MORN4: variants seen among roughly 807,000 people sequenced by gnomAD.
MORN4 encodes the protein MORN repeat containing 4.
In MORN4, 8 loss-of-function variants were observed where a neutral mutation model predicts 16.4. The observed-to-expected ratio is 0.49, with a 90% confidence interval of 0.29 to 0.88. MORN4 has a LOEUF of 0.88. Ranked by LOEUF, MORN4 falls within the 40% of genes least tolerant of loss-of-function variation. The pLI is 0.09. For missense variants in MORN4, 159 were observed against 182.9 expected (o/e 0.87, Z 0.75); for synonymous variants, 53 against 68.9 (o/e 0.77, Z 1.14).
intron 1 of MORN4, among the ~76,000 whole-genome samples, chr10:97,631,947 AG>A (rs541962890): frequency 0.021 from 2,245 of 106,572 alleles, 22 homozygotes; most frequent in Non-Finnish European, 0.035. Flanking sequence ...CTCAAAAAAA[AG>A]AAAAGAAAAG....
At chr10:97,626,008 C>T (rs543306135) in intron 1 of MORN4, among the ~76,000 whole-genome samples, 35 of 151,810 alleles carry the variant, frequency 2.3e-4, no homozygotes, top group Non-Finnish European at 4.7e-4. Flanking sequence ...CAATCTCTGG[C>T]CTTGGCCTCC....
At chr10:97,626,251 C>A (rs2041345496) in intron 1 of MORN4, among the ~76,000 whole-genome samples, 1 of 151,670 alleles carries the variant, frequency 6.6e-6, no homozygotes, top group South Asian at 2.1e-4. Context: ...GTGGCACATG[C>A]CTGTAGTCCC....
rs145519669 is a variant in MORN4, at chr10:97,616,658, C to G, written c.292+20G>C. The stretch of plus-strand genomic sequence containing the variant: ...TATTATGCCCACCTAAGTCAGCCAT[C>G]CTGCTGGGCTGCAACTTACCAAAAC... On this transcript the variant is annotated intron_variant, in intron 4 of 4. Coordinates refer to ENST00000307450, the MANE Select transcript of MORN4 (RefSeq NM_178832.4). 6.3e-7 allele frequency: 1 copy of G among 1,581,296 alleles called. No homozygotes were observed. Among genetic ancestry groups the G allele is most frequent in the East Asian group, 2.2e-5 (1 of 44,716 alleles).
chr10:97,631,278 T>C (rs977350490), intron 1 of MORN4, among the ~76,000 whole-genome samples: 1 of 152,166 alleles, frequency 6.6e-6, no homozygotes, highest in Non-Finnish European at 1.5e-5. Flanking sequence ...CAAACCAAGA[T>C]GATTCACACT....
At chr10:97,619,537 T>A (rs1391227199) in intron 2 of MORN4, 50 bp downstream of exon 2, 5 of 1,363,168 alleles carry the variant, frequency 3.7e-6, no homozygotes, top group Middle Eastern at 1.8e-4. Flanking sequence ...GTATTTGTCC[T>A]CCAGCAAATG....
chr10:97,630,795 G>T (rs2041389476), intron 1 of MORN4, among the ~76,000 whole-genome samples: 1 of 152,116 alleles, frequency 6.6e-6, no homozygotes, highest in African/African-American at 2.4e-5. Flanking sequence ...AGTAACCATG[G>T]TCATTGAGAC....
chr10:97,629,045 T>C (rs556793400), intron 1 of MORN4, among the ~76,000 whole-genome samples: 8 of 152,172 alleles, frequency 5.3e-5, no homozygotes, highest in African/African-American at 9.6e-5. Flanking sequence ...CTCCCCTCCC[T>C]TGAATCTGAG....
chr10:97,633,327 C>T lies in MORN4; in HGVS notation c.-31+20G>A. On this transcript the variant is annotated intron_variant, in intron 1 of 4. Transcript: ENST00000307450. This position sits in a 1 kb window ranked among gnomAD's most constrained non-coding sequence, Gnocchi z 4.5. Reference sequence around the variant, plus strand: ...ATCACACTCTTTCCCGGCCCCCTCCCTCCTGCGCCTCCAGCCAACCTGGGG... The same window carrying T: ...ATCACACTCTTTCCCGGCCCCCTCCTTCCTGCGCCTCCAGCCAACCTGGGG... 3 of 1,289,208 alleles carry T rather than the reference C, an allele frequency of 2.3e-6. No individual in the cohort carries two copies. Among genetic ancestry groups the T allele is most frequent in the Non-Finnish European group, 3.0e-6 (3 of 988,548 alleles). 79.9% of individuals were successfully genotyped at this position (1,289,208 alleles called of 1,614,324 possible). A position where few individuals can be genotyped will look rare whatever the true frequency, so the allele number is the denominator to read the frequency against.
chr10:97,620,474 G>GC (rs2041278896), intron 1 of MORN4, among the ~76,000 whole-genome samples: 1 of 123,582 alleles, frequency 8.1e-6, no homozygotes, highest in African/African-American at 3.2e-5. Context: ...GGGTGACGGA[G>GC]CAAGACTCTG....
chr10:97,630,132 T>C (rs1371295203), intron 1 of MORN4, among the ~76,000 whole-genome samples: 1 of 152,104 alleles, frequency 6.6e-6, no homozygotes, highest in Admixed American at 6.6e-5. Context: ...TTTCACCATG[T>C]TAGCCAGGAT....
chr10:97,616,783 C>T lies in MORN4; in HGVS notation c.187G>A (p.Glu63Lys), dbSNP rs1264164635. The T allele has an allele frequency of 6.2e-7, 1 of 1,611,238 alleles. No homozygotes were observed. The highest frequency in any genetic ancestry group is 8.5e-7 in the Non-Finnish European group (1 of 1,177,366). Residue 63 changes from glutamate to lysine, a missense_variant, in exon 4 of 5, where the codon GAG (glutamate) becomes AAG (lysine). Physicochemically the swap from Glu to Lys is moderately conservative, Grantham distance 56. Transcript: ENST00000307450. ...VLTFSDGSRY[E>K]GEFAQGKFNG... ...AACTTGCCCTGGGCAAACTCCCCCT[C>T]ATACCTGCAGAAACACCAAGAAGTT...
In MORN4 at chr10:97,616,106, G is replaced by T; in HGVS notation, c.*157C>A. The T allele has an allele frequency of 1.5e-6, 1 of 674,192 alleles. No individual in the cohort carries two copies. The highest frequency in any genetic ancestry group is 2.3e-6 in the Non-Finnish European group (1 of 433,174). 41.8% of individuals were successfully genotyped at this position (674,192 alleles called of 1,614,324 possible). A position where few individuals can be genotyped will look rare whatever the true frequency, so the allele number is the denominator to read the frequency against. ...GCCAGCATCCTCAGCACTTTTCTGT[G>T]GTCCAGTTCTGGAATGGCAGGTGAC... On this transcript the variant is annotated 3_prime_UTR_variant, in exon 5 of 5. Transcript: ENST00000307450.
At chr10:97,624,403 T>A (rs1465549202) in intron 1 of MORN4, among the ~76,000 whole-genome samples, 2 of 152,124 alleles carry the variant, frequency 1.3e-5, no homozygotes, top group Non-Finnish European at 1.5e-5. Context: ...CTGTGTTCCA[T>A]CAGTGTTGTT....
intron 4 of MORN4, 123 bp downstream of exon 4, chr10:97,616,555 T>G: frequency 8.1e-7 from 1 of 1,236,408 alleles, no homozygotes; most frequent in Non-Finnish European, 1.2e-6. Flanking sequence ...ATGAGTTCAA[T>G]GGATAGGTGT....
rs1307290531 is a variant in MORN4, at chr10:97,619,643, G to C, written c.11C>G (p.Thr4Arg). 6.2e-7 allele frequency: 1 copy of C among 1,613,976 alleles called. No homozygotes were observed. Among genetic ancestry groups the C allele is most frequent in the African/African-American group, 1.3e-5 (1 of 74,894 alleles). ...ACTGGAGTAGGTGAAGGAACCTTTT[G>C]TCAGGGTCATGGTGACAGATTACAG... The part of the protein sequence containing the change: MTL[T>R]KGSFTYSSGE... Residue 4 changes from threonine (T) to arginine (R), a missense_variant, in exon 2 of 5, where the codon ACA (threonine) becomes AGA (arginine). Transcript: ENST00000307450.
intron 1 of MORN4, among the ~76,000 whole-genome samples, chr10:97,629,800 G>A (rs1343390301): frequency 1.3e-5 from 2 of 151,906 alleles, no homozygotes; most frequent in Non-Finnish European, 2.9e-5. Context: ...GCTTTGTCAC[G>A]CTGGGTGGAG....
At chr10:97,620,224 C>T (rs189145812) in intron 1 of MORN4, among the ~76,000 whole-genome samples, 17 of 151,976 alleles carry the variant, frequency 1.1e-4, no homozygotes, top group Admixed American at 2.0e-4. Context: ...CAGTGGCTCA[C>T]GCCTGTAATC....
Position 97,614,669 on chromosome 10 carries a change from A to G in MORN4, c.*1594T>C, listed in dbSNP as rs138848613. On this transcript the variant is annotated 3_prime_UTR_variant, in exon 5 of 5. Coordinates refer to ENST00000307450, the MANE Select transcript of MORN4 (RefSeq NM_178832.4). ...CACCACAATCTGCTGTTGAAGAGAC[A>G]TTCAATGTGAGGCTAGGGAGCTAGA... 3 of 152,668 alleles carry G rather than the reference A, an allele frequency of 2.0e-5. No homozygotes were observed. The highest frequency in any genetic ancestry group is 4.4e-5 in the Non-Finnish European group (3 of 68,034). 9.5% of individuals were successfully genotyped at this position (152,668 alleles called of 1,614,324 possible). A position where few individuals can be genotyped will look rare whatever the true frequency, so the allele number is the denominator to read the frequency against.
chr10:97,616,094 G>T lies in MORN4; in HGVS notation c.*169C>A. ...CAGGGTCTGCTGGCCAGCATCCTCA[G>T]CACTTTTCTGTGGTCCAGTTCTGGA... On this transcript the variant is annotated 3_prime_UTR_variant, in exon 5 of 5. Transcript: ENST00000307450. 1 of 606,840 alleles carries T rather than the reference G, an allele frequency of 1.6e-6. No individual in the cohort carries two copies. Among genetic ancestry groups the T allele is most frequent in the Non-Finnish European group, 2.7e-6 (1 of 376,506 alleles). 37.6% of individuals were successfully genotyped at this position (606,840 alleles called of 1,614,324 possible). A position where few individuals can be genotyped will look rare whatever the true frequency, so the allele number is the denominator to read the frequency against.
Sources: gnomAD v4.1 joint callset for allele counts (sites outside exome capture counted in the v4.1 genomes callset) on GRCh38, gnomAD v4.1.1 for gene constraint, Gnocchi (gnomAD v3.1) non-coding constraint, MANE v1.5 for transcripts, NCBI Gene and HGNC (gene_info 2026-07-23, HGNC 2026-07-21) for gene names.